The following ZNF221 variants were observed in gnomAD, a reference collection of about 807,000 sequenced individuals.
ZNF221 encodes the protein zinc finger protein 221.
Under a neutral mutation model 12.6 loss-of-function variants are expected in ZNF221, and 10 were observed. The observed-to-expected ratio is 0.79, with a 90% CI of 0.49 to 1.34. ZNF221 has a LOEUF of 1.34. Among genes scored for constraint, ZNF221 ranks in the 40% most tolerant of loss-of-function variants. The pLI is 0.00. For missense variants in ZNF221, 661 were observed against 721.4 expected, an observed-to-expected ratio of 0.92 and a Z score of 0.96; for synonymous variants, 232 against 244.0, an observed-to-expected ratio of 0.95 and a Z score of 0.46.
At chr19:43,981,059 A>G in the ZNF221 span, among the ~76,000 whole-genome samples, 2 of 152,198 alleles carry the variant, frequency 1.3e-5, no homozygotes, top group Non-Finnish European at 2.9e-5. Context: ...CCTTGGCAAC[A>G]TAGCAAGACC....
chr19:43,966,303 A>C lies in ZNF221; in HGVS notation c.801A>C (p.Ser267=). The part of the protein sequence containing the change: ...GQCGKGFHSR[S]ALNVHCKLHT... ...GTGGGAAAGGCTTCCATAGTAGATCAGCACTTAATGTTCATTGCAAATTGC... is the reference window on the plus strand; with the variant it reads ...GTGGGAAAGGCTTCCATAGTAGATCCGCACTTAATGTTCATTGCAAATTGC... The change falls in exon 5 of 5, where the codon TCA becomes TCC. Residue 267 remains serine (S), a synonymous_variant. Coordinates refer to ENST00000587682, the MANE Select transcript of ZNF221 (RefSeq NM_001297588.2). 7 of 1,613,422 alleles carry C rather than the reference A, an allele frequency of 4.3e-6. No individual in the cohort carries two copies. The highest frequency in any genetic ancestry group is 5.9e-6 in the Non-Finnish European group (7 of 1,179,346).
At chr19:43,976,901 TACA>T in the ZNF221 span, 2 of 152,210 alleles carry the variant, frequency 1.3e-5, no homozygotes, top group Non-Finnish European at 2.9e-5. Context: ...GATAGAAAAT[TACA>T]ACATTAAAAC....
chr19:43,962,581 A>G, intron 1 of ZNF221, 144 bp from the exon 2 acceptor site: 4 of 747,484 alleles, frequency 5.4e-6, no homozygotes, highest in Non-Finnish European at 7.1e-6. Context: ...GTAGGAGGGC[A>G]TTTTGCTTGT....
intron 2 of ZNF221, among the ~76,000 whole-genome samples, chr19:43,963,132 C>T (rs926863428): frequency 2.6e-5 from 4 of 151,960 alleles, no homozygotes; most frequent in African/African-American, 7.3e-5. Flanking sequence ...GATGACATAC[C>T]TCTAATTTTA....
intron 1 of ZNF221, among the ~76,000 whole-genome samples, chr19:43,956,021 C>G (rs145265361): frequency 6.6e-6 from 1 of 152,314 alleles, no homozygotes; most frequent in East Asian, 1.9e-4. Context: ...GTCTTTCAGT[C>G]ATAGGGCTAG....
chr19:43,969,191 G>A (rs1052552346), downstream of ZNF221, among the ~76,000 whole-genome samples: 2 of 152,146 alleles, frequency 1.3e-5, no homozygotes, highest in Non-Finnish European at 2.9e-5. Flanking sequence ...TCCTGTGGGG[G>A]AAGGCTGGCC....
Position 43,965,967 on chromosome 19 carries a change from G to T in ZNF221, c.465G>T (p.Gln155His). 6.2e-7 allele frequency: 1 copy of T among 1,614,222 alleles called. No homozygotes were observed. The highest frequency in any genetic ancestry group is 8.5e-7 in the Non-Finnish European group (1 of 1,180,024). The change falls in exon 5 of 5, where the codon CAG becomes CAT. Residue 155 changes from glutamine to histidine, a missense_variant. Physicochemically the swap from Gln to His is conservative, Grantham distance 24. Transcript: ENST00000587682. ...TCAAAGAAGGTGATGTCCCCTGCCAGATTGAGGCAAGACTATCTATAAGTC... is the reference window on the plus strand; with the variant it reads ...TCAAAGAAGGTGATGTCCCCTGCCATATTGAGGCAAGACTATCTATAAGTC... ...QFFKEGDVPC[Q>H]IEARLSISHV... is the part of the protein sequence containing the mutation.
chr19:43,970,191 G>A (rs1429455979), downstream of ZNF221, among the ~76,000 whole-genome samples: 1 of 34,272 alleles, frequency 2.9e-5, no homozygotes, highest in Non-Finnish European at 7.6e-5. Flanking sequence ...AACAGTCAGT[G>A]GCTTGACTGT....
At position 43,966,998 on chromosome 19, in the gene ZNF221, T is replaced by A. The variant is rs776033382; in HGVS notation, c.1496T>A (p.Leu499His). The change falls in exon 5 of 5, where the codon CTC becomes CAC. Residue 499 changes from leucine to histidine, a missense_variant. Transcript: ENST00000587682. ...TCCTGTCTTTTGAAACATCAGAGAC[T>A]CCACAGTGGGGAAAAACCTTTCAAA... ...WASCLLKHQRLHSGEKPFKCE... is the reference protein window; with the variant it reads ...WASCLLKHQRHHSGEKPFKCE... The A allele has an allele frequency of 1.2e-6, 2 of 1,613,294 alleles. No homozygotes were observed. The highest frequency in any genetic ancestry group is 4.5e-5 in the East Asian group (2 of 44,836).
rs1327246600 is a variant in ZNF221, at chr19:43,954,751, G to A, written c.-3+3351G>A. On this transcript the variant is annotated intron_variant, in intron 1 of 4. Coordinates refer to ENST00000587682, the MANE Select transcript of ZNF221 (RefSeq NM_001297588.2). Reference sequence around the variant, plus strand: ...CCTGATCCTGTGACCACTACATCAGGTATGGGGAAAAAAATTGAGGTAATA... The same window carrying A: ...CCTGATCCTGTGACCACTACATCAGATATGGGGAAAAAAATTGAGGTAATA... Among the ~76,000 whole-genome samples, 3 of 152,096 alleles carry A rather than the reference G, an allele frequency of 2.0e-5. No individual in the cohort carries two copies. In the East Asian group the frequency reaches 5.8e-4, roughly 29 times the overall value.
rs1599816884 is a variant in ZNF221 at position 43,962,750 on chromosome 19, GC to G, written c.25del (p.Leu9PhefsTer11). On this transcript the variant is annotated frameshift_variant, in exon 2 of 5. Coordinates refer to ENST00000587682, the MANE Select transcript of ZNF221 (RefSeq NM_001297588.2). LOFTEE classifies it high-confidence loss of function. MISPSLEL[L>X]HSGLCKFPEV... Reference sequence around the variant, plus strand: ...GCATGATTTCACCTTCACTTGAACTGCTTCATTCAGGACTCTGCAAATTCCC... The same window carrying G: ...GCATGATTTCACCTTCACTTGAACTGTTCATTCAGGACTCTGCAAATTCCC... 6.2e-7 allele frequency: 1 copy of G among 1,613,808 alleles called. No individual in the cohort carries two copies. The highest frequency in any genetic ancestry group is 1.3e-5 in the African/African-American group (1 of 74,900).
At chr19:43,981,023 G>A in the ZNF221 span, among the ~76,000 whole-genome samples, 1 of 152,036 alleles carries the variant, frequency 6.6e-6, no homozygotes, top group African/African-American at 2.4e-5. Flanking sequence ...TGGGAGAATC[G>A]CTTGAGCCCA....
Position 43,954,707 on chromosome 19 carries a change from C to T in ZNF221, c.-3+3307C>T, listed in dbSNP as rs190626081. 2.0e-3 allele frequency among the ~76,000 whole-genome samples: 304 copies of T among 152,166 alleles called. 3 individuals carry two copies. Among genetic ancestry groups the T allele is most frequent in the Admixed American group, 0.018 (276 of 15,276 alleles). On this transcript the variant is annotated intron_variant, in intron 1 of 4. Transcript: ENST00000587682. ...CTTGCTTAGGAATCATCCCTGCTTC[C>T]AACACTTGTAGTTGTAGCCCTGATC...
At chr19:43,971,188 T>C (rs1366883059), downstream of ZNF221, among the ~76,000 whole-genome samples, 2 of 152,126 alleles carry the variant, frequency 1.3e-5, no homozygotes, top group Non-Finnish European at 2.9e-5. Flanking sequence ...AATAAGATCC[T>C]TTTCAGACAA....
intron 1 of ZNF221, chr19:43,961,809 G>A (rs1409758680): frequency 1.3e-5 from 2 of 152,148 alleles, no homozygotes; most frequent in Non-Finnish European, 1.5e-5. Flanking sequence ...TGGGATTTAT[G>A]TATTTCATGT....
the ZNF221 span, among the ~76,000 whole-genome samples, chr19:43,979,564 T>G: frequency 1.3e-5 from 2 of 152,090 alleles, no homozygotes; most frequent in Non-Finnish European, 2.9e-5. Flanking sequence ...GAGCTGAAGC[T>G]TCTTTGAAAA....
At chr19:43,974,131 G>A in the ZNF221 span, among the ~76,000 whole-genome samples, 7 of 152,222 alleles carry the variant, frequency 4.6e-5, no homozygotes, top group South Asian at 1.5e-3. Flanking sequence ...CAACAAACCT[G>A]ACAAAAACAA....
chr19:43,979,753 G>A, the ZNF221 span, among the ~76,000 whole-genome samples: 1 of 152,102 alleles, frequency 6.6e-6, no homozygotes, highest in Admixed American at 6.6e-5. Context: ...CCGTTTCAAC[G>A]CTGACCAAAA....
At chr19:43,958,309 G>A (rs576075766) in intron 1 of ZNF221, among the ~76,000 whole-genome samples, 26 of 152,282 alleles carry the variant, frequency 1.7e-4, no homozygotes, top group African/African-American at 6.3e-4. Context: ...CTTAGCCACA[G>A]CATTTACCAT....
Sources: allele counts gnomAD v4.1 joint callset (sites outside exome capture counted in the v4.1 genomes callset), GRCh38; gene constraint gnomAD v4.1.1; transcripts MANE v1.5; gene names NCBI Gene and HGNC (gene_info 2026-07-23, HGNC 2026-07-21).